The following PUS7 variants were observed in gnomAD, a reference collection of about 807,000 sequenced individuals.
PUS7 encodes the protein pseudouridylate synthase 7 homolog.
Under a neutral mutation model 79.8 loss-of-function variants are expected in PUS7, and 48 were observed. The observed-to-expected ratio is 0.60, with a 90% CI of 0.48 to 0.76. The LOEUF is 0.76. Among genes scored for constraint, PUS7 ranks in the 30% least tolerant of loss-of-function variants. PUS7 has a pLI of 0.00. For synonymous variants in PUS7, 286 were observed against 272.2 expected, an observed-to-expected ratio of 1.05 and a Z score of -0.50; for missense variants, 729 against 797.6, an observed-to-expected ratio of 0.91 and a Z score of 1.04.
At chr7:105,460,698 C>CA (rs1436640488) in intron 14 of PUS7, among the ~76,000 whole-genome samples, 1 of 150,942 alleles carries the variant, frequency 6.6e-6, no homozygotes, top group African/African-American at 2.4e-5. Flanking sequence ...ACTAAAAATA[C>CA]AAAAAATTAG....
At chr7:105,478,707 T>C (rs951306948) in intron 9 of PUS7, among the ~76,000 whole-genome samples, 1 of 152,220 alleles carries the variant, frequency 6.6e-6, no homozygotes, top group Non-Finnish European at 1.5e-5. Flanking sequence ...ATACAAGTCA[T>C]TTCTCCACCT....
chr7:105,459,345 AAAAC>A (rs778817433), intron 14 of PUS7, 86 bp from the exon 15 acceptor site: 31 of 781,176 alleles, frequency 4.0e-5, no homozygotes, highest in Non-Finnish European at 6.0e-5. Context: ...TTTAGCAAGA[AAAAC>A]AAGTAAGTTT....
At chr7:105,473,670 C>T (rs986696142) in intron 9 of PUS7, among the ~76,000 whole-genome samples, 9 of 151,802 alleles carry the variant, frequency 5.9e-5, no homozygotes, top group Non-Finnish European at 1.2e-4. Context: ...CCGCCTGCCT[C>T]GGCCTCCCAA....
chr7:105,493,937 T>C (rs1824900753), intron 6 of PUS7, among the ~76,000 whole-genome samples: 1 of 152,256 alleles, frequency 6.6e-6, no homozygotes, highest in African/African-American at 2.4e-5. Flanking sequence ...TTTCCATATT[T>C]AAAATGAGTT....
chr7:105,464,435 G>C (rs1371677365), intron 13 of PUS7, among the ~76,000 whole-genome samples: 1 of 152,208 alleles, frequency 6.6e-6, no homozygotes, highest in Admixed American at 6.5e-5. Flanking sequence ...GGTGGGCAGA[G>C]TGGGGAAGAT....
chr7:105,469,794 C>T (rs1823800869), intron 11 of PUS7, among the ~76,000 whole-genome samples: 1 of 152,110 alleles, frequency 6.6e-6, no homozygotes, highest in African/African-American at 2.4e-5. Flanking sequence ...GGTTTCACCA[C>T]ATTGGCCAGG....
intron 11 of PUS7, chr7:105,470,399 C>G (rs74845803): frequency 0.023 from 5,768 of 256,332 alleles, 95 homozygotes; most frequent in African/African-American, 0.031. Flanking sequence ...ACAATAGATT[C>G]GAAATTTCTC....
intron 7 of PUS7, among the ~76,000 whole-genome samples, chr7:105,488,485 C>T (rs78430794): frequency 6.6e-6 from 1 of 152,132 alleles, no homozygotes; most frequent in African/African-American, 2.4e-5. Flanking sequence ...ATGTCATATT[C>T]CCTTTAAGTC....
At chr7:105,459,742 A>G (rs2133024210) in intron 14 of PUS7, among the ~76,000 whole-genome samples, 1 of 151,980 alleles carries the variant, frequency 6.6e-6, no homozygotes, top group Non-Finnish European at 1.5e-5. Flanking sequence ...TGAATATAAT[A>G]GGCTCAATCC....
chr7:105,493,729 A>C (rs894969749), intron 6 of PUS7, among the ~76,000 whole-genome samples: 3 of 152,200 alleles, frequency 2.0e-5, no homozygotes, highest in African/African-American at 7.2e-5. Context: ...GTGCGTGCAC[A>C]GGGAAAATGC....
At chr7:105,496,218 T>TAG (rs1309951962) in intron 5 of PUS7, among the ~76,000 whole-genome samples, 77 of 81,824 alleles carry the variant, frequency 9.4e-4, no homozygotes, top group East Asian at 1.5e-3. Flanking sequence ...TATATATATA[T>TAG]ATATATATAG....
intron 7 of PUS7, among the ~76,000 whole-genome samples, chr7:105,488,971 A>AC (rs1651523553): frequency 6.6e-6 from 1 of 151,994 alleles, no homozygotes; most frequent in East Asian, 1.9e-4. Flanking sequence ...ACATGGTGAA[A>AC]CCCCATCTCT....
rs1823197890 is a variant in PUS7, at chr7:105,456,576, CATTT to C, written c.*1210_*1213del. ...AAGGAGATTTTAAAAATATTTATTA[CATTT>C]GTTTCTAGAAATCATAGAAAATAAA... On this transcript the variant is annotated 3_prime_UTR_variant, in exon 16 of 16. Coordinates refer to ENST00000469408, the MANE Select transcript of PUS7 (RefSeq NM_019042.5). 6.6e-6 allele frequency: 1 copy of C among 152,048 alleles called. No individual in the cohort carries two copies. Among genetic ancestry groups the C allele is most frequent in the Non-Finnish European group, 1.5e-5 (1 of 67,986 alleles). 9.4% of individuals were successfully genotyped at this position (152,048 alleles called of 1,614,324 possible). A position where few individuals can be genotyped will look rare whatever the true frequency, so the allele number is the denominator to read the frequency against.
At chr7:105,520,717 G>C (rs1393047928) in intron 1 of PUS7, among the ~76,000 whole-genome samples, 1 of 151,326 alleles carries the variant, frequency 6.6e-6, no homozygotes, top group African/African-American at 2.4e-5. Context: ...GTGAGACTCC[G>C]TCTAAAAAAA....
At position 105,457,803 on chromosome 7, in the gene PUS7, G is replaced by C; in HGVS notation, c.1973C>G (p.Thr658Ser). 2 of 1,613,932 alleles carry C rather than the reference G, an allele frequency of 1.2e-6. No individual in the cohort carries two copies. The highest frequency in any genetic ancestry group is 1.7e-6 in the Non-Finnish European group (2 of 1,179,890). Residue 658 changes from threonine (T) to serine (S), a missense_variant, in exon 16 of 16, where the codon ACC becomes AGC. Physicochemically the swap from Thr to Ser is moderately conservative, Grantham distance 58. Coordinates refer to ENST00000469408, the MANE Select transcript of PUS7 (RefSeq NM_019042.5). ...ACAAGGTACTGCTCAGCGAAGCCAG[G>C]TTGTATTCAGCTGCGTCTGGTTCTT... Reference protein sequence around the residue: ...SIKNQTQLNTTWLR With the variant: ...SIKNQTQLNTSWLR
intron 6 of PUS7, among the ~76,000 whole-genome samples, chr7:105,492,229 G>A (rs1398429978): frequency 3.9e-5 from 6 of 152,010 alleles, no homozygotes; most frequent in African/African-American, 1.4e-4. Flanking sequence ...GATGGTGCCT[G>A]TGAACAGCCA....
At chr7:105,508,871 T>TAA (rs34249093) in intron 1 of PUS7, among the ~76,000 whole-genome samples, 18 of 22,926 alleles carry the variant, frequency 7.9e-4, no homozygotes, top group Non-Finnish European at 1.4e-3. Context: ...GACATTGTCT[T>TAA]AAAAAAAAAA....
At chr7:105,496,618 A>G (rs1374812348) in intron 5 of PUS7, among the ~76,000 whole-genome samples, 1 of 152,232 alleles carries the variant, frequency 6.6e-6, no homozygotes, top group Non-Finnish European at 1.5e-5. Flanking sequence ...AGGCAAAAGC[A>G]CTGTTTGGTA....
intron 12 of PUS7, among the ~76,000 whole-genome samples, chr7:105,466,897 G>A (rs1184915235): frequency 6.6e-6 from 1 of 152,130 alleles, no homozygotes; most frequent in African/African-American, 2.4e-5. Context: ...TCTGAACAGA[G>A]TTAGAACCTT....
Sources: gnomAD v4.1 joint callset for allele counts (sites outside exome capture counted in the v4.1 genomes callset) on GRCh38, gnomAD v4.1.1 for gene constraint, MANE v1.5 for transcripts, NCBI Gene and HGNC (gene_info 2026-07-23, HGNC 2026-07-21) for gene names.